EPHA5: variants seen among roughly 807,000 people sequenced by gnomAD.
EPHA5 encodes ephrin type-A receptor 5.
A neutral mutation model predicts 105.0 loss-of-function variants in EPHA5; 60 were observed. That is an observed-to-expected ratio of 0.57 (90% confidence interval 0.46 to 0.71). The LOEUF (loss-of-function observed/expected upper bound fraction) is 0.71. EPHA5 is among the 30% of genes least tolerant of loss of function. The pLI is 0.00. For missense variants in EPHA5, 1,218 were observed against 1,274.7 expected (o/e 0.96, Z 0.68); for synonymous variants, 513 against 449.1 (o/e 1.14, Z -1.80).
intron 3 of EPHA5, 102 bp downstream of exon 3, chr4:65,601,537 ATT>A: frequency 8.7e-7 from 1 of 1,154,368 alleles, no homozygotes; most frequent in East Asian, 2.4e-5. Flanking sequence ...ATCTCCATAA[ATT>A]AGCAAAGTAA....
At chr4:65,372,713 T>G (rs1004068137) in intron 8 of EPHA5, among the ~76,000 whole-genome samples, 4 of 151,860 alleles carry the variant, frequency 2.6e-5, no homozygotes, top group Non-Finnish European at 5.9e-5. Flanking sequence ...TGATCAAGGG[T>G]GCTAACAACC....
chr4:65,406,908 A>G (rs889810975), intron 7 of EPHA5, among the ~76,000 whole-genome samples: 1 of 151,876 alleles, frequency 6.6e-6, no homozygotes, highest in Non-Finnish European at 1.5e-5. Context: ...GGTTTCTTTG[A>G]ACTGTTACTA....
intron 5 of EPHA5, among the ~76,000 whole-genome samples, chr4:65,479,795 A>T (rs1245473399): frequency 1.3e-5 from 2 of 152,202 alleles, no homozygotes; most frequent in African/African-American, 4.8e-5. Context: ...AGAAAAAATT[A>T]TATACAATAA....
At chr4:65,523,929 A>G (rs1156888101) in intron 3 of EPHA5, among the ~76,000 whole-genome samples, 1 of 151,902 alleles carries the variant, frequency 6.6e-6, no homozygotes, top group Non-Finnish European at 1.5e-5. Context: ...AGCCAGGTCC[A>G]TAAAAGCTCT....
chr4:65,628,093 T>A (rs779972212), intron 2 of EPHA5, among the ~76,000 whole-genome samples: 1 of 152,034 alleles, frequency 6.6e-6, no homozygotes, highest in South Asian at 2.1e-4. Flanking sequence ...ACCACCTGAA[T>A]TCATTGAAAA....
At chr4:65,375,688 G>T (rs1047670619) in intron 8 of EPHA5, among the ~76,000 whole-genome samples, 19 of 151,890 alleles carry the variant, frequency 1.3e-4, no homozygotes, top group Admixed American at 2.0e-4. Flanking sequence ...CTGCTTCAGA[G>T]ATAATTTATC....
chr4:65,660,784 A>G (rs1035180994), intron 1 of EPHA5, among the ~76,000 whole-genome samples: 1 of 149,520 alleles, frequency 6.7e-6, no homozygotes, highest in African/African-American at 2.4e-5. Flanking sequence ...AAATTAAGAT[A>G]CAGGACCCTC....
chr4:65,605,595 T>C (rs1744149856), intron 2 of EPHA5, among the ~76,000 whole-genome samples: 1 of 152,184 alleles, frequency 6.6e-6, no homozygotes, highest in African/African-American at 2.4e-5. Context: ...TTCAAGTTAT[T>C]AGGGGTGCCC....
At chr4:65,352,231 G>T (rs913649215) in intron 12 of EPHA5, among the ~76,000 whole-genome samples, 7 of 151,946 alleles carry the variant, frequency 4.6e-5, no homozygotes, top group Non-Finnish European at 8.8e-5. Flanking sequence ...AAATAATTTG[G>T]CAGAGTCTGG....
At chr4:65,477,711 C>A (rs113164192) in intron 5 of EPHA5, among the ~76,000 whole-genome samples, 1,706 of 152,220 alleles carry the variant, frequency 0.011, 37 homozygotes, top group African/African-American at 0.039. Flanking sequence ...CCGTGCCCAG[C>A]CCACTTCATG....
intron 5 of EPHA5, among the ~76,000 whole-genome samples, chr4:65,452,603 A>G (rs1182215101): frequency 6.6e-6 from 1 of 151,708 alleles, no homozygotes; most frequent in East Asian, 1.9e-4. Context: ...AAAGACAAAC[A>G]TCCTATGGCT....
At chr4:65,639,126 G>A (rs1345155674) in intron 2 of EPHA5, among the ~76,000 whole-genome samples, 2 of 152,212 alleles carry the variant, frequency 1.3e-5, no homozygotes, top group South Asian at 2.1e-4. Context: ...AAACTTGAGG[G>A]AAATCAAATA....
intron 5 of EPHA5, among the ~76,000 whole-genome samples, chr4:65,465,538 AAAGGAAGGAAAGG>A (rs1560567659): frequency 2.9e-4 from 19 of 65,918 alleles, no homozygotes; most frequent in African/African-American, 1.2e-3. Flanking sequence ...AAAAGAAAGG[AAAGGAAGGAAAGG>A]AAGGAAAGGA....
intron 3 of EPHA5, among the ~76,000 whole-genome samples, chr4:65,501,535 T>A (rs1732489861): frequency 6.6e-6 from 1 of 151,526 alleles, no homozygotes; most frequent in South Asian, 2.1e-4. Flanking sequence ...TACCTAGGAA[T>A]ACATTGAACC....
rs144075832 is a variant in EPHA5, at chr4:65,452,107, C to T, written c.1403-31542G>A. ...AGATCAGCAATAGAGAATAAATCAA[C>T]AATAATGAATAAAATTAATTCCATT... On this transcript the variant is annotated intron_variant, in intron 5 of 16. Coordinates refer to ENST00000613740, the MANE Select transcript of EPHA5 (RefSeq NM_001281766.3). Among the ~76,000 whole-genome samples, 1,009 of 152,172 alleles carry T rather than the reference C, an allele frequency of 6.6e-3. 7 individuals carry two copies. Among genetic ancestry groups the T allele is most frequent in the Non-Finnish European group, 0.01 (696 of 67,940 alleles).
At chr4:65,484,907 TAG>T (rs1730734261) in intron 5 of EPHA5, among the ~76,000 whole-genome samples, 1 of 152,072 alleles carries the variant, frequency 6.6e-6, no homozygotes, top group Admixed American at 6.6e-5. Flanking sequence ...TCTGTATAGA[TAG>T]ATACATTTCA....
intron 3 of EPHA5, among the ~76,000 whole-genome samples, chr4:65,525,337 T>A (rs1024673156): frequency 6.6e-6 from 1 of 151,814 alleles, no homozygotes; most frequent in Non-Finnish European, 1.5e-5. Flanking sequence ...AATTATTTTG[T>A]CCCAGGACCA....
chr4:65,431,926 T>C (rs1725019457), intron 5 of EPHA5, among the ~76,000 whole-genome samples: 1 of 151,868 alleles, frequency 6.6e-6, no homozygotes, highest in African/African-American at 2.4e-5. Context: ...AAGAAGCCAA[T>C]GAAACAGGAA....
intron 14 of EPHA5, among the ~76,000 whole-genome samples, chr4:65,347,836 C>G (rs1234976546): frequency 6.6e-6 from 1 of 152,140 alleles, no homozygotes; most frequent in Non-Finnish European, 1.5e-5. Context: ...TGGCAAGGGA[C>G]TGAGTTTTTA....
Sources: gnomAD v4.1 joint callset for allele counts (sites outside exome capture counted in the v4.1 genomes callset) on GRCh38, gnomAD v4.1.1 for gene constraint, MANE v1.5 for transcripts, NCBI Gene and HGNC (gene_info 2026-07-23, HGNC 2026-07-21) for gene names.